The following DLG2 variants were observed in gnomAD, a reference collection of about 807,000 sequenced individuals.
DLG2 encodes the protein disks large homolog 2.
DLG2 carries 45 observed loss-of-function variants against 132.5 expected under a neutral mutation model. The ratio of observed to expected loss-of-function variants is 0.34; its 90% CI spans 0.27 to 0.44. The LOEUF (loss-of-function observed/expected upper bound fraction) is 0.44, where lower values mean the gene tolerates loss of function less well. Ranked by LOEUF, DLG2 falls within the 20% of genes least tolerant of loss-of-function variation. DLG2 has a pLI of 1.00. For missense variants in DLG2, 1,045 were observed against 1,196.9 expected (o/e 0.87, Z 1.87); for synonymous variants, 424 against 419.6 (o/e 1.01, Z -0.13).
At position 84,583,626 on chromosome 11, in the gene DLG2, T is replaced by C. The variant is rs117111324; in HGVS notation, c.358-48895A>G. ...AACATCAACTTTAAAACCTGAATGA[T>C]AAATATTCTTGTATGGGTTCTGCTT... On this transcript the variant is annotated intron_variant, in intron 6 of 27. Coordinates refer to ENST00000376104, the MANE Select transcript of DLG2 (RefSeq NM_001142699.3). Among the ~76,000 whole-genome samples, 688 of 152,336 alleles carry C rather than the reference T, an allele frequency of 4.5e-3. 4 individuals carry two copies. Among genetic ancestry groups the C allele is most frequent in the South Asian group, 0.019 (93 of 4,828 alleles).
intron 3 of DLG2, among the ~76,000 whole-genome samples, chr11:85,313,937 T>C (rs550078275): frequency 3.9e-5 from 6 of 152,096 alleles, no homozygotes; most frequent in Admixed American, 3.3e-4. Context: ...ATAGAATTCC[T>C]GAAAAATTTA....
chr11:85,361,035 T>C (rs1338483276), intron 3 of DLG2, among the ~76,000 whole-genome samples: 1 of 152,176 alleles, frequency 6.6e-6, no homozygotes, highest in Non-Finnish European at 1.5e-5. Context: ...AAATAAAATC[T>C]TCTTCTTTTT....
chr11:84,546,718 A>G, intron 6 of DLG2: 2 of 470,446 alleles, frequency 4.3e-6, no homozygotes, highest in Non-Finnish European at 8.2e-6. Context: ...ATTACCACAC[A>G]GTCCATGAGT....
chr11:85,620,160 G>A (rs777544971), intron 2 of DLG2, among the ~76,000 whole-genome samples: 12 of 152,076 alleles, frequency 7.9e-5, no homozygotes, highest in Non-Finnish European at 1.5e-4. Flanking sequence ...TCTTTTATTT[G>A]TTACAGTGAT....
chr11:85,232,291 T>C (rs976206257), intron 4 of DLG2, among the ~76,000 whole-genome samples: 2 of 151,948 alleles, frequency 1.3e-5, no homozygotes, highest in African/African-American at 4.8e-5. Flanking sequence ...TTCCATCACA[T>C]TTGAATAATA....
At chr11:85,563,098 C>T (rs2077343824) in intron 3 of DLG2, among the ~76,000 whole-genome samples, 1 of 151,686 alleles carries the variant, frequency 6.6e-6, no homozygotes, top group Non-Finnish European at 1.5e-5. Context: ...AGAGGACAGA[C>T]ATAGAGTCAG....
chr11:85,005,014 T>G (rs2058527062), intron 6 of DLG2, among the ~76,000 whole-genome samples: 1 of 152,208 alleles, frequency 6.6e-6, no homozygotes, highest in East Asian at 1.9e-4. Flanking sequence ...TTTTGTCAGG[T>G]TTGTCTAAGA....
intron 2 of DLG2, among the ~76,000 whole-genome samples, chr11:85,620,509 C>G (rs2081621998): frequency 6.6e-6 from 1 of 152,186 alleles, no homozygotes; most frequent in African/African-American, 2.4e-5. Context: ...AGCCCTCTTG[C>G]ACCAAATAGC....
chr11:83,758,169 A>G (rs17146032), intron 18 of DLG2, among the ~76,000 whole-genome samples: 5,351 of 152,268 alleles, frequency 0.035, 134 homozygotes, highest in East Asian at 0.12. Flanking sequence ...CTATTACCCA[A>G]CAACTCTGTG....
At chr11:84,598,608 T>C (rs1352256867) in intron 6 of DLG2, among the ~76,000 whole-genome samples, 1 of 152,122 alleles carries the variant, frequency 6.6e-6, no homozygotes, top group Admixed American at 6.6e-5. Flanking sequence ...CCTCTGATAA[T>C]ATTTTAGTTA....
chr11:85,023,708 C>A (rs890548247), intron 6 of DLG2, among the ~76,000 whole-genome samples: 16 of 151,822 alleles, frequency 1.1e-4, no homozygotes, highest in African/African-American at 3.9e-4. Context: ...GATAACTATT[C>A]TAAATAGGAT....
intron 7 of DLG2, chr11:84,437,434 A>G (rs540396405): frequency 2.0e-5 from 3 of 152,170 alleles, no homozygotes; most frequent in Non-Finnish European, 4.4e-5. Flanking sequence ...CCTGCGACCC[A>G]GCTTCTTAGC....
intron 21 of DLG2, among the ~76,000 whole-genome samples, chr11:83,491,448 C>T (rs28649764): frequency 1.3e-5 from 2 of 151,980 alleles, no homozygotes; most frequent in Admixed American, 1.3e-4. Context: ...TAATTAAGTT[C>T]TGTGAAATGG....
chr11:85,601,994 A>C lies in DLG2; in HGVS notation c.-92-3206T>G, dbSNP rs115365760. Among the ~76,000 whole-genome samples, 821 of 152,210 alleles carry C rather than the reference A, an allele frequency of 5.4e-3. 9 individuals carry two copies. The highest frequency in any genetic ancestry group is 0.018 in the African/African-American group (764 of 41,526). The stretch of plus-strand genomic sequence containing the variant: ...ATGTATATCTGTAGCTCAGAACTTT[A>C]CTCTGAATTCCAGACTCATATCCAG... On this transcript the variant is annotated intron_variant, in intron 2 of 27. Transcript: ENST00000376104.
intron 3 of DLG2, among the ~76,000 whole-genome samples, chr11:85,497,255 C>T (rs1192564534): frequency 6.6e-6 from 1 of 151,460 alleles, no homozygotes; most frequent in Non-Finnish European, 1.5e-5. Context: ...GAGCTGAAAA[C>T]CACAGTACGA....
chr11:83,977,061 A>G (rs2092321000), intron 12 of DLG2, among the ~76,000 whole-genome samples: 1 of 152,028 alleles, frequency 6.6e-6, no homozygotes, highest in Non-Finnish European at 1.5e-5. Context: ...CTTGCTTAGT[A>G]ATAACCAAAA....
chr11:85,125,318 T>C (rs1025066063), intron 5 of DLG2, among the ~76,000 whole-genome samples: 3 of 151,988 alleles, frequency 2.0e-5, no homozygotes, highest in Admixed American at 2.0e-4. Flanking sequence ...AGGGCTAATG[T>C]TATGAAGTAA....
chr11:85,054,648 G>A (rs1435652033), intron 6 of DLG2, among the ~76,000 whole-genome samples: 1 of 152,192 alleles, frequency 6.6e-6, no homozygotes, highest in Non-Finnish European at 1.5e-5. Flanking sequence ...TAAAGACAAT[G>A]TGCTACATGC....
At chr11:83,998,037 A>G (rs936962033) in intron 11 of DLG2, among the ~76,000 whole-genome samples, 3 of 151,860 alleles carry the variant, frequency 2.0e-5, no homozygotes, top group African/African-American at 7.3e-5. Flanking sequence ...CGGGAGGCTG[A>G]GGCATGAAGA....
Sources: gnomAD v4.1 joint callset for allele counts (sites outside exome capture counted in the v4.1 genomes callset) on GRCh38, gnomAD v4.1.1 for gene constraint, MANE v1.5 for transcripts, NCBI Gene and HGNC (gene_info 2026-07-23, HGNC 2026-07-21) for gene names.